Variants in CDC25B observed in about 807,000 individuals in gnomAD.
CDC25B encodes the protein cell division cycle 25B.
In CDC25B, 33 loss-of-function variants were observed where a neutral mutation model predicts 69.8. The observed-to-expected ratio is 0.47, with a 90% CI of 0.36 to 0.63. The LOEUF (loss-of-function observed/expected upper bound fraction) is 0.63, where lower values mean the gene tolerates loss of function less well. Among genes scored for constraint, CDC25B ranks in the 30% least tolerant of loss-of-function variants. CDC25B has a pLI of 0.00. For synonymous variants in CDC25B, 341 were observed against 314.6 expected (o/e 1.08, Z -0.89); for missense variants, 727 against 809.1 (o/e 0.90, Z 1.23).
exon 1 of CDC25B, chr20:3,786,952 G>A (rs915237145): frequency 6.3e-6 from 3 of 479,958 alleles, no homozygotes; most frequent in African/African-American, 6.1e-5. Flanking sequence ...GACGCGGGCG[G>A]GGACGCGGTG....
In CDC25B at chr20:3,805,656, A is replaced by T; in HGVS notation, c.*695A>T. ...CACTCGGTCCCAGTTTTGTTGCCCCAGAAAGGGATGTTATTATCCTTGGGG... is the reference window on the plus strand; with the variant it reads ...CACTCGGTCCCAGTTTTGTTGCCCCTGAAAGGGATGTTATTATCCTTGGGG... On this transcript the variant is annotated 3_prime_UTR_variant, in exon 16 of 16. Coordinates refer to ENST00000245960, the MANE Select transcript of CDC25B (RefSeq NM_021873.4). 2.5e-6 allele frequency: 1 copy of T among 400,662 alleles called. No homozygotes were observed. The highest frequency in any genetic ancestry group is 4.4e-6 in the Non-Finnish European group (1 of 226,948). 24.8% of individuals were successfully genotyped at this position (400,662 alleles called of 1,614,324 possible).
intron 11 of CDC25B, 102 bp downstream of exon 11, chr20:3,802,478 G>T: frequency 1.3e-6 from 1 of 755,364 alleles, no homozygotes; most frequent in East Asian, 2.5e-5. Context: ...TCTCCCCGGA[G>T]CCCCCCTTTT....
At chr20:3,792,794 C>T (rs1409338073), upstream of CDC25B, among the ~76,000 whole-genome samples, 4 of 152,112 alleles carry the variant, frequency 2.6e-5, no homozygotes, top group Admixed American at 2.6e-4. Context: ...CAGGGGCCAC[C>T]ACACCGGGCT....
chr20:3,795,969 T>C (rs542271835), upstream of CDC25B: 336 of 989,062 alleles, frequency 3.4e-4, no homozygotes, highest in Non-Finnish European at 3.9e-4. Context: ...TCCCCATCCC[T>C]AGCGGTGATC....
At position 3,800,820 on chromosome 20, in the gene CDC25B, G is replaced by A; in HGVS notation, c.537G>A (p.Glu179=). 1.2e-6 allele frequency: 2 copies of A among 1,613,476 alleles called. No homozygotes were observed. Among genetic ancestry groups the A allele is most frequent in the South Asian group, 1.1e-5 (1 of 91,084 alleles). Residue 179 remains glutamate, a synonymous_variant, in exon 6 of 16, where the codon GAG becomes GAA. Coordinates refer to ENST00000245960, the MANE Select transcript of CDC25B (RefSeq NM_021873.4). ...SQAPDGRRKS[E]AGSGAASSSG... ...CGCCCGACGGCCGGAGGAAGAGCGA[G>A]GCGGGCAGTGGAGCTGCCAGCAGCT... is the stretch of plus-strand genomic sequence containing the variant.
chr20:3,789,163 C>T (rs935110014), intron 1 of CDC25B, among the ~76,000 whole-genome samples: 5 of 152,200 alleles, frequency 3.3e-5, no homozygotes, highest in Non-Finnish European at 5.9e-5. Flanking sequence ...TTGGGAAATC[C>T]ATAACTCACC....
At chr20:3,797,919 G>C (rs1174610883) in intron 2 of CDC25B, among the ~76,000 whole-genome samples, 170 bp downstream of exon 2, 1 of 152,176 alleles carries the variant, frequency 6.6e-6, no homozygotes, top group Non-Finnish European at 1.5e-5. Context: ...CACACCTCTT[G>C]TGGGGCTCAC....
chr20:3,793,548 G>GT (rs200570744), upstream of CDC25B, among the ~76,000 whole-genome samples: 3,444 of 126,332 alleles, frequency 0.027, 110 homozygotes, highest in East Asian at 0.13. Flanking sequence ...TGGGATTTCT[G>GT]TTTTTTTTTT....
chr20:3,799,484 CTGTGTGTGTG>C (rs60482329), intron 3 of CDC25B, among the ~76,000 whole-genome samples: 2,264 of 131,706 alleles, frequency 0.017, 69 homozygotes, highest in East Asian at 0.12. Context: ...TTCTCAGAAG[CTGTGTGTGTG>C]TGTGTGTGTG....
At position 3,804,552 on chromosome 20, in the gene CDC25B, T is replaced by C. The variant is rs1166582931; in HGVS notation, c.1491-17T>C. The C allele has an allele frequency of 1.3e-6, 2 of 1,571,640 alleles. No individual in the cohort carries two copies. Among genetic ancestry groups the C allele is most frequent in the Admixed American group, 3.3e-5 (2 of 59,938 alleles). ...TGCATGCCCCACTCTGACCACACCC[T>C]GCCCATGACGCCCCAGGTGCCGTTT... On this transcript the variant is annotated splice_polypyrimidine_tract_variant and intron_variant, in intron 14 of 15. Coordinates refer to ENST00000245960, the MANE Select transcript of CDC25B (RefSeq NM_021873.4).
chr20:3,794,794 C>G (rs1414985536), upstream of CDC25B, among the ~76,000 whole-genome samples: 8 of 152,156 alleles, frequency 5.3e-5, no homozygotes, highest in Non-Finnish European at 1.0e-4. Context: ...GATGCATTGG[C>G]CCACCCAGCC....
chr20:3,800,412 T>C (rs765684296), intron 4 of CDC25B, 50 bp from the exon 5 acceptor site: 1 of 1,612,608 alleles, frequency 6.2e-7, no homozygotes, highest in Non-Finnish European at 8.5e-7. Context: ...ATGCTCTTGG[T>C]CCCTGCCCTG....
In CDC25B at chr20:3,800,284, C is replaced by T. The variant is rs544245642; in HGVS notation, c.381-4C>T. ...GGGTTGCATGGGACCCTTCTCTGTC[C>T]TAGGTTTGAACAGGCCATCCAGGCA... is the stretch of plus-strand genomic sequence containing the variant. On this transcript the variant is annotated splice_region_variant and splice_polypyrimidine_tract_variant and intron_variant, in intron 3 of 15. Coordinates refer to ENST00000245960, the MANE Select transcript of CDC25B (RefSeq NM_021873.4). 8 of 1,613,870 alleles carry T rather than the reference C, an allele frequency of 5.0e-6. No individual in the cohort carries two copies. The highest frequency in any genetic ancestry group is 3.3e-5 in the Admixed American group (2 of 59,992).
upstream of CDC25B, among the ~76,000 whole-genome samples, chr20:3,795,294 G>C (rs1051095918): frequency 2.0e-5 from 3 of 152,024 alleles, no homozygotes; most frequent in Non-Finnish European, 2.9e-5. Context: ...CCGGGTGGCG[G>C]AGGTTGTAGT....
At chr20:3,798,596 C>CG (rs971144893) in intron 3 of CDC25B, 133 bp downstream of exon 3, 11 of 577,222 alleles carry the variant, frequency 1.9e-5, no homozygotes, top group African/African-American at 7.7e-5. Context: ...TCCCCATGGC[C>CG]GGGGGGCTCA....
In CDC25B at chr20:3,800,499, G is replaced by A. The variant is rs774913855; in HGVS notation, c.459+1G>A. ...CATCAGACGCTTCCAGTCTATGCCGGTGAGTGTCTTCGAGGCCTGACTGAG... is the reference window on the plus strand; with the variant it reads ...CATCAGACGCTTCCAGTCTATGCCGATGAGTGTCTTCGAGGCCTGACTGAG... On this transcript the variant is annotated splice_donor_variant, in intron 5 of 15. Transcript: ENST00000245960. LOFTEE classifies it high-confidence loss of function. 1.9e-6 allele frequency: 3 copies of A among 1,614,206 alleles called. No homozygotes were observed. The highest frequency in any genetic ancestry group is 2.5e-6 in the Non-Finnish European group (3 of 1,180,014).
chr20:3,800,823 G>C lies in CDC25B; in HGVS notation c.540G>C (p.Ala180=). The change falls in exon 6 of 16, where the codon GCG becomes GCC. Residue 180 remains alanine (A), a synonymous_variant. Coordinates refer to ENST00000245960, the MANE Select transcript of CDC25B (RefSeq NM_021873.4). ...CCGACGGCCGGAGGAAGAGCGAGGC[G>C]GGCAGTGGAGCTGCCAGCAGCTCTG... ...QAPDGRRKSE[A]GSGAASSSGE... The C allele has an allele frequency of 1.2e-6, 2 of 1,613,500 alleles. No individual in the cohort carries two copies. The highest frequency in any genetic ancestry group is 1.7e-6 in the Non-Finnish European group (2 of 1,180,036).
chr20:3,804,724 C>G (rs1410000227), intron 15 of CDC25B, 44 bp downstream of exon 15: 13 of 1,229,500 alleles, frequency 1.1e-5, no homozygotes, highest in Non-Finnish European at 1.3e-5. Flanking sequence ...TGAGGGTTGG[C>G]TTGGCCAGGC....
At chr20:3,794,884 G>T (rs1443883313), upstream of CDC25B, among the ~76,000 whole-genome samples, 1 of 152,110 alleles carries the variant, frequency 6.6e-6, no homozygotes, top group African/African-American at 2.4e-5. Context: ...ACGAGAAGGG[G>T]TACTCCTGCC....
Sources: allele counts gnomAD v4.1 joint callset (sites outside exome capture counted in the v4.1 genomes callset), GRCh38; gene constraint gnomAD v4.1.1; transcripts MANE v1.5; gene names NCBI Gene and HGNC (gene_info 2026-07-23, HGNC 2026-07-21).